Variants in CDH19 observed in about 807,000 individuals in gnomAD.
CDH19 encodes the protein cadherin 19.
CDH19 carries 67 observed loss-of-function variants against 64.2 expected under a neutral mutation model. The observed-to-expected ratio is 1.04, with a 90% CI of 0.86 to 1.28. The LOEUF (loss-of-function observed/expected upper bound fraction) is 1.28, where lower values mean the gene tolerates loss of function less well. Among genes scored for constraint, CDH19 ranks in the 50% most tolerant of loss-of-function variants. The pLI is 0.00. For missense variants in CDH19, 1,030 were observed against 929.0 expected (o/e 1.11, Z -1.41); for synonymous variants, 346 against 319.3 (o/e 1.08, Z -0.89).
In CDH19 at chr18:66,505,261, G is replaced by T. The variant is rs1279677840; in HGVS notation, c.1870C>A (p.Gln624Lys). The T allele has an allele frequency of 3.8e-6, 6 of 1,585,616 alleles. No homozygotes were observed. The highest frequency in any genetic ancestry group is 5.1e-6 in the Non-Finnish European group (6 of 1,170,760). Reference sequence around the variant, plus strand: ...TCACTTTTCTCAGGAAATAGAATCTGTTTTCTCCGTTGTTTTAAACCCAAA... The same window carrying T: ...TCACTTTTCTCAGGAAATAGAATCTTTTTTCTCCGTTGTTTTAAACCCAAA... The part of the protein sequence containing the change: ...LTLGLKQRRK[Q>K]ILFPEKSEDF... Residue 624 changes from glutamine (Q) to lysine (K), a missense_variant, in exon 12 of 12, where the codon CAG (glutamine) becomes AAG (lysine). Transcript: ENST00000262150.
intron 5 of CDH19, among the ~76,000 whole-genome samples, chr18:66,547,459 C>T (rs1056649685): frequency 2.0e-4 from 30 of 151,872 alleles, no homozygotes; most frequent in African/African-American, 7.0e-4. Context: ...TATGGTTGAC[C>T]TGGGTATGGC....
At chr18:66,598,341 T>A (rs1988956735) in intron 1 of CDH19, among the ~76,000 whole-genome samples, 1 of 152,142 alleles carries the variant, frequency 6.6e-6, no homozygotes, top group Non-Finnish European at 1.5e-5. Context: ...GATTATTAAC[T>A]ATATATTTGA....
chr18:66,568,368 AC>A (rs1987982037), intron 3 of CDH19, 47 bp downstream of exon 3: 2 of 1,419,560 alleles, frequency 1.4e-6, no homozygotes, highest in East Asian at 4.6e-5. Context: ...CAAATTTTAA[AC>A]CTGCTTCATT....
intron 9 of CDH19, among the ~76,000 whole-genome samples, chr18:66,521,704 TA>T (rs111530865): frequency 1.4e-3 from 196 of 143,290 alleles, no homozygotes; most frequent in Admixed American, 5.8e-3. Flanking sequence ...CCCAGCTAAT[TA>T]AAAAAAAAAA....
intron 5 of CDH19, among the ~76,000 whole-genome samples, chr18:66,548,432 A>G (rs1259941546): frequency 1.3e-5 from 2 of 151,888 alleles, no homozygotes; most frequent in African/African-American, 4.8e-5. Context: ...TGAGTATAAA[A>G]GGGAAGAAAG....
At chr18:66,558,774 G>C (rs2144538087) in intron 3 of CDH19, among the ~76,000 whole-genome samples, 1 of 152,050 alleles carries the variant, frequency 6.6e-6, no homozygotes, top group African/African-American at 2.4e-5. Context: ...CCCTTTCCTA[G>C]TTAAATATAG....
In CDH19 at chr18:66,544,772, A is replaced by C. The variant is rs924637299; in HGVS notation, c.907T>G (p.Phe303Val). The C allele has an allele frequency of 4.3e-6, 7 of 1,611,834 alleles. No homozygotes were observed. The African/African-American group carries it at 9.3e-5, about 22-fold the overall frequency. Residue 303 changes from phenylalanine (F) to valine (V), a missense_variant, in exon 6 of 12, where the codon TTT becomes GTT. Coordinates refer to ENST00000262150, the MANE Select transcript of CDH19 (RefSeq NM_021153.4). ...YSIEEDDSQT[F>V]DIITNHETQE... ...GTTTCATGATTAGTAATAATGTCAA[A>C]TGTTTGCGAATCATCCTCTTCAATG...
At chr18:66,602,740 T>A (rs1989067832) in intron 1 of CDH19, among the ~76,000 whole-genome samples, 1 of 151,662 alleles carries the variant, frequency 6.6e-6, no homozygotes, top group South Asian at 2.1e-4. Flanking sequence ...ATCTGGTGGT[T>A]TCTAAATGAC....
chr18:66,539,693 G>T (rs1046056622), intron 7 of CDH19, among the ~76,000 whole-genome samples: 4 of 151,854 alleles, frequency 2.6e-5, no homozygotes, highest in African/African-American at 7.2e-5. Flanking sequence ...TTTCATATTT[G>T]TTTATGAGGG....
chr18:66,600,324 G>A (rs897971291), intron 1 of CDH19, among the ~76,000 whole-genome samples: 1 of 151,650 alleles, frequency 6.6e-6, no homozygotes, highest in Non-Finnish European at 1.5e-5. Context: ...CAACCCTAAA[G>A]TTCTAATGTT....
intron 5 of CDH19, 61 bp downstream of exon 5, chr18:66,551,033 A>T: frequency 1.1e-6 from 1 of 875,286 alleles, no homozygotes; most frequent in Non-Finnish European, 1.8e-6. Flanking sequence ...TATATAATCT[A>T]CTTATATTTA....
Position 66,532,489 on chromosome 18 carries a change from T to TACACTCACACACACAC in CDH19, c.1336+2496_1336+2497insGTGTGTGTGTGAGTGT, listed in dbSNP as rs1555685600. On this transcript the variant is annotated intron_variant, in intron 8 of 11. Transcript: ENST00000262150. ...TTCCTTCCTTTTCTCAGAGCATTCA[T>TACACTCACACACACAC]ACACACACACACACACACACACACA... is the stretch of plus-strand genomic sequence containing the variant. The TACACTCACACACACAC allele has an allele frequency of 2.5e-3, 367 of 146,738 alleles. 1 individual carries two copies. Among genetic ancestry groups the TACACTCACACACACAC allele is most frequent in the African/African-American group, 9.0e-3 (335 of 37,022 alleles). 9.1% of individuals were successfully genotyped at this position (146,738 alleles called of 1,614,324 possible).
At chr18:66,559,825 T>C (rs1372766525) in intron 3 of CDH19, among the ~76,000 whole-genome samples, 2 of 151,628 alleles carry the variant, frequency 1.3e-5, no homozygotes, top group African/African-American at 2.4e-5. Context: ...AAATTAATGA[T>C]ATAAGTAAAT....
chr18:66,523,087 G>A (rs575961587), intron 9 of CDH19, among the ~76,000 whole-genome samples: 2 of 151,992 alleles, frequency 1.3e-5, no homozygotes, highest in Admixed American at 6.5e-5. Flanking sequence ...GAATTAATTG[G>A]ACAGGTTTTC....
At position 66,588,641 on chromosome 18, in the gene CDH19, T is replaced by TATATATATATATATATA. The variant is rs1485058332; in HGVS notation, c.-113+15312_-113+15313insTATATATATATATATAT. 1.4e-5 allele frequency among the ~76,000 whole-genome samples: 2 copies of TATATATATATATATATA among 145,164 alleles called. 1 individual carries two copies. Among genetic ancestry groups the TATATATATATATATATA allele is most frequent in the Admixed American group, 1.4e-4 (2 of 14,478 alleles). ...ATATCTATATCTATATATATATAGA[T>TATATATATATATATATA]ACAGCTCAGATTTATTTCAGTGTTT... On this transcript the variant is annotated intron_variant, in intron 1 of 11. Transcript: ENST00000262150.
Position 66,544,798 on chromosome 18 carries a change from C to G in CDH19, c.881G>C (p.Ser294Thr). 1 of 1,612,334 alleles carries G rather than the reference C, an allele frequency of 6.2e-7. No homozygotes were observed. Among genetic ancestry groups the G allele is most frequent in the South Asian group, 1.1e-5 (1 of 91,022 alleles). The change falls in exon 6 of 12, where the codon AGC (serine) becomes ACC (threonine). Residue 294 changes from serine to threonine, a missense_variant. Coordinates refer to ENST00000262150, the MANE Select transcript of CDH19 (RefSeq NM_021153.4). ...TGTTTGCGAATCATCCTCTTCAATG[C>G]TGTAATCCATTTCTGCATTCTCTCC... Reference protein sequence around the residue: ...DIGENAEMDYSIEEDDSQTFD... With the variant: ...DIGENAEMDYTIEEDDSQTFD...
intron 7 of CDH19, among the ~76,000 whole-genome samples, chr18:66,539,076 G>A (rs1986788086): frequency 6.6e-6 from 1 of 152,082 alleles, no homozygotes; most frequent in Admixed American, 6.5e-5. Flanking sequence ...GTAAATGCTT[G>A]GAAGAGGGAT....
At chr18:66,570,414 C>G (rs539332288) in intron 2 of CDH19, among the ~76,000 whole-genome samples, 1 of 151,578 alleles carries the variant, frequency 6.6e-6, no homozygotes, top group East Asian at 1.9e-4. Flanking sequence ...TAGTATTATA[C>G]AATTTTCTAT....
chr18:66,546,713 A>G (rs997187051), intron 5 of CDH19, among the ~76,000 whole-genome samples: 2 of 152,122 alleles, frequency 1.3e-5, no homozygotes, highest in Non-Finnish European at 2.9e-5. Flanking sequence ...CTTAAAATTA[A>G]AGATAAGGTG....
Sources: allele counts gnomAD v4.1 joint callset (sites outside exome capture counted in the v4.1 genomes callset), GRCh38; gene constraint gnomAD v4.1.1; transcripts MANE v1.5; gene names NCBI Gene and HGNC (gene_info 2026-07-23, HGNC 2026-07-21).